CSMD2: variants seen among roughly 807,000 people sequenced by gnomAD.
The protein encoded by CSMD2 is CUB and Sushi multiple domains 2.
In CSMD2, 130 loss-of-function variants were observed where a neutral mutation model predicts 398.5. The ratio of observed to expected loss-of-function variants is 0.33; its 90% CI spans 0.28 to 0.38. The LOEUF (loss-of-function observed/expected upper bound fraction) is 0.38. CSMD2 is among the 10% of genes least tolerant of loss of function. CSMD2 has a pLI of 1.00. For missense variants in CSMD2, 3,829 were observed against 4,764.9 expected, an observed-to-expected ratio of 0.80 and a Z score of 5.78; for synonymous variants, 1,828 against 1,908.5, an observed-to-expected ratio of 0.96 and a Z score of 1.10.
At chr1:33,908,085 C>CAAAAAAAAAAA (rs35932181) in intron 5 of CSMD2, among the ~76,000 whole-genome samples, 6 of 77,154 alleles carry the variant, frequency 7.8e-5, no homozygotes, top group East Asian at 4.0e-4. Flanking sequence ...GACTCCATCT[C>CAAAAAAAAAAA]AAAAAAAAAA....
chr1:34,050,478 C>T (rs781418175), intron 2 of CSMD2, among the ~76,000 whole-genome samples: 4 of 152,190 alleles, frequency 2.6e-5, no homozygotes, highest in African/African-American at 4.8e-5. Context: ...ATGGGATTCA[C>T]TGGTCCTACC....
intron 13 of CSMD2, chr1:33,772,315 C>A: frequency 2.7e-6 from 1 of 374,834 alleles, no homozygotes; most frequent in Non-Finnish European, 4.8e-6. Flanking sequence ...TCTTAAGGAT[C>A]ACCAAGAAGG....
chr1:34,027,183 A>T (rs919049766), intron 3 of CSMD2, among the ~76,000 whole-genome samples: 3 of 152,252 alleles, frequency 2.0e-5, no homozygotes, highest in Non-Finnish European at 4.4e-5. Flanking sequence ...AAAGAAGATA[A>T]GAAAAATTCT....
At chr1:34,065,218 ACTT>A (rs573125930) in intron 2 of CSMD2, among the ~76,000 whole-genome samples, 13 of 152,022 alleles carry the variant, frequency 8.6e-5, no homozygotes, top group African/African-American at 2.2e-4. Context: ...CTTGAAACAG[ACTT>A]CTTCTTCTCT....
At chr1:33,820,014 C>CT (rs1441388696) in intron 8 of CSMD2, among the ~76,000 whole-genome samples, 177 bp from the exon 9 acceptor site, 1 of 152,206 alleles carries the variant, frequency 6.6e-6, no homozygotes, top group Non-Finnish European at 1.5e-5. Flanking sequence ...TCTTCATCTT[C>CT]TTTTTTCGGA....
chr1:34,093,144 GCACACTGA>G (rs1439009069), intron 1 of CSMD2, among the ~76,000 whole-genome samples: 1 of 152,032 alleles, frequency 6.6e-6, no homozygotes, highest in African/African-American at 2.4e-5. Flanking sequence ...CCCAGCAGGG[GCACACTGA>G]CACCTCACAC....
chr1:33,986,913 G>A (rs1646378647), intron 3 of CSMD2, among the ~76,000 whole-genome samples: 1 of 152,194 alleles, frequency 6.6e-6, no homozygotes. Flanking sequence ...TGGAGGAGGT[G>A]AGAAAGGCAG....
At chr1:33,592,456 G>A (rs990559476) in intron 44 of CSMD2, 2 of 716,636 alleles carry the variant, frequency 2.8e-6, no homozygotes, top group African/African-American at 3.5e-5. Flanking sequence ...GTGCGTGGAG[G>A]GGTGTCACAA....
At chr1:33,961,344 C>T (rs1163007528) in intron 3 of CSMD2, among the ~76,000 whole-genome samples, 1 of 152,266 alleles carries the variant, frequency 6.6e-6, no homozygotes, top group East Asian at 1.9e-4. Context: ...TCCCATTAGG[C>T]CTGTGTAAGA....
chr1:33,613,134 G>C (rs545733553), intron 40 of CSMD2, among the ~76,000 whole-genome samples: 1 of 152,186 alleles, frequency 6.6e-6, no homozygotes, highest in Non-Finnish European at 1.5e-5. Flanking sequence ...TAGGGACCTC[G>C]GCAGAATCCA....
At chr1:33,643,675 TAAAG>T in intron 29 of CSMD2, among the ~76,000 whole-genome samples, 1 of 152,186 alleles carries the variant, frequency 6.6e-6, no homozygotes, top group South Asian at 2.1e-4. Context: ...GCCTACCCTA[TAAAG>T]AAAGATAGTG....
chr1:34,068,676 G>T (rs1655386374), intron 2 of CSMD2, among the ~76,000 whole-genome samples: 1 of 152,172 alleles, frequency 6.6e-6, no homozygotes, highest in Non-Finnish European at 1.5e-5. Context: ...TCCCCAAGAT[G>T]TTGGTAATGG....
intron 48 of CSMD2, among the ~76,000 whole-genome samples, chr1:33,580,344 T>C (rs1238491274): frequency 2.6e-5 from 4 of 152,240 alleles, no homozygotes; most frequent in Admixed American, 6.5e-5. Context: ...GTTTATAAGA[T>C]ATGGCTTGCA....
chr1:33,811,386 C>T (rs1270101832), intron 9 of CSMD2, among the ~76,000 whole-genome samples: 1 of 152,148 alleles, frequency 6.6e-6, no homozygotes, highest in Non-Finnish European at 1.5e-5. Context: ...CAGTTCCTTC[C>T]TCCGTGACCC....
intron 33 of CSMD2, among the ~76,000 whole-genome samples, chr1:33,626,106 G>A (rs1357575178): frequency 6.6e-6 from 1 of 152,192 alleles, no homozygotes; most frequent in Non-Finnish European, 1.5e-5. Flanking sequence ...TTCAAAGCCT[G>A]TGTTTTCCCC....
chr1:33,528,817 A>G (rs957808358), intron 64 of CSMD2, among the ~76,000 whole-genome samples: 32 of 152,256 alleles, frequency 2.1e-4, no homozygotes, highest in Non-Finnish European at 4.0e-4. Context: ...TTAAGAATAA[A>G]TGTAACCAAA....
At chr1:33,877,510 G>A (rs1467874381) in intron 5 of CSMD2, among the ~76,000 whole-genome samples, 3 of 152,110 alleles carry the variant, frequency 2.0e-5, no homozygotes, top group African/African-American at 7.2e-5. Flanking sequence ...TCTAAATCCC[G>A]AGGCATTACA....
At position 33,518,306 on chromosome 1, in the gene CSMD2, G is replaced by T. The variant is rs1444978512; in HGVS notation, c.*53+1159C>A. On this transcript the variant is annotated intron_variant, in intron 70 of 70. Transcript: ENST00000373381. This position sits in a 1 kb window ranked among gnomAD's most constrained non-coding sequence, Gnocchi z 4.3. ...GAGGGTGTCATCGAAGGAGGACACA[G>T]TGAGGAAGAGGCAGTGCCTTTTAGA... Among the ~76,000 whole-genome samples the T allele has an allele frequency of 2.0e-5, 3 of 152,250 alleles. No individual in the cohort carries two copies. The highest frequency in any genetic ancestry group is 7.2e-5 in the African/African-American group (3 of 41,468).
At chr1:34,037,431 C>T (rs1268146917) in intron 2 of CSMD2, among the ~76,000 whole-genome samples, 3 of 152,224 alleles carry the variant, frequency 2.0e-5, no homozygotes, top group Non-Finnish European at 4.4e-5. Context: ...CCTTTCCCTC[C>T]CCCGAAATAT....
Sources: allele counts gnomAD v4.1 joint callset (sites outside exome capture counted in the v4.1 genomes callset), GRCh38; gene constraint gnomAD v4.1.1; non-coding constraint Gnocchi (gnomAD v3.1); transcripts MANE v1.5; gene names NCBI Gene and HGNC (gene_info 2026-07-23, HGNC 2026-07-21).